The following PRKG2 variants were observed in gnomAD, a reference collection of about 807,000 sequenced individuals.
The protein encoded by PRKG2 is protein kinase cGMP-dependent 2.
In PRKG2, 33 loss-of-function variants were observed where a neutral mutation model predicts 97.2. That is an observed-to-expected ratio of 0.34 (90% CI 0.26 to 0.45). PRKG2 has a LOEUF of 0.45. PRKG2 is among the 20% of genes least tolerant of loss of function. The pLI, the probability that PRKG2 is intolerant of heterozygous loss-of-function variation, is 1.00. For missense variants in PRKG2, 638 were observed against 900.0 expected (o/e 0.71, Z 3.73); for synonymous variants, 330 against 321.8 (o/e 1.03, Z -0.27).
Position 81,204,691 on chromosome 4 carries a change from C to T in PRKG2, c.357G>A (p.Arg119=). ...TSGLVSLHSR[R]GAKAGVSAEP... The stretch of plus-strand genomic sequence containing the variant: ...CAGCAGACACGCCAGCCTTTGCTCC[C>T]CTCCTGCTATGGAGAGAGACCAATC... The change falls in exon 2 of 19, where the codon AGG becomes AGA. Residue 119 remains arginine, a synonymous_variant. Coordinates refer to ENST00000264399, the MANE Select transcript of PRKG2 (RefSeq NM_006259.3). The T allele has an allele frequency of 1.2e-6, 2 of 1,614,176 alleles. No homozygotes were observed. Among genetic ancestry groups the T allele is most frequent in the Non-Finnish European group, 1.7e-6 (2 of 1,180,022 alleles).
At chr4:81,180,719 A>G (rs936428896) in intron 2 of PRKG2, among the ~76,000 whole-genome samples, 13 of 152,200 alleles carry the variant, frequency 8.5e-5, no homozygotes, top group Admixed American at 3.9e-4. Context: ...GAATAAGCCA[A>G]CAAAAATTAG....
Position 81,087,528 on chromosome 4 carries a change from C to T in PRKG2, c.*2180G>A, listed in dbSNP as rs1230814909. On this transcript the variant is annotated 3_prime_UTR_variant, in exon 19 of 19. Transcript: ENST00000264399. ...CCTTTAATTTTAATAGAGACAGTAA[C>T]AGTAGCTCCCGTCTATGCAGCAATG... 6.6e-6 allele frequency: 1 copy of T among 152,050 alleles called. No individual in the cohort carries two copies. Among genetic ancestry groups the T allele is most frequent in the Non-Finnish European group, 1.5e-5 (1 of 67,980 alleles). 9.4% of individuals were successfully genotyped at this position (152,050 alleles called of 1,614,324 possible). A position where few individuals can be genotyped will look rare whatever the true frequency, so the allele number is the denominator to read the frequency against.
At chr4:81,171,542 A>G in intron 4 of PRKG2, 149 bp downstream of exon 4, 1 of 534,842 alleles carries the variant, frequency 1.9e-6, no homozygotes, top group Non-Finnish European at 3.1e-6. Context: ...CTTCAGTATA[A>G]ATCCCTTAAT....
At chr4:81,215,977 C>G (rs1315063693), upstream of PRKG2, among the ~76,000 whole-genome samples, 2 of 151,910 alleles carry the variant, frequency 1.3e-5, no homozygotes, top group Non-Finnish European at 2.9e-5. Context: ...TGTGAGATCT[C>G]CATGTGGCTT....
intron 14 of PRKG2, among the ~76,000 whole-genome samples, chr4:81,120,691 T>C (rs933437782): frequency 2.0e-5 from 3 of 152,130 alleles, no homozygotes; most frequent in Non-Finnish European, 4.4e-5. Flanking sequence ...ATGAAATTTG[T>C]TGTTGTTGTT....
At chr4:81,136,802 C>T (rs764075992) in intron 13 of PRKG2, among the ~76,000 whole-genome samples, 65 of 152,108 alleles carry the variant, frequency 4.3e-4, no homozygotes, top group Non-Finnish European at 8.1e-4. Context: ...AAACTGTATA[C>T]CTAATCTCCC....
At chr4:81,165,333 C>T (rs1179645727) in intron 6 of PRKG2, among the ~76,000 whole-genome samples, 1 of 152,082 alleles carries the variant, frequency 6.6e-6, no homozygotes, top group Non-Finnish European at 1.5e-5. Flanking sequence ...CCTTCCTTAC[C>T]CCCTGCTACA....
intron 10 of PRKG2, 87 bp downstream of exon 10, chr4:81,144,143 CCA>C: frequency 8.2e-7 from 1 of 1,223,696 alleles, no homozygotes; most frequent in Non-Finnish European, 1.2e-6. Context: ...TTAAAAGTTA[CCA>C]CACAGCAAGT....
intron 2 of PRKG2, among the ~76,000 whole-genome samples, chr4:81,177,636 G>T (rs1372840855): frequency 6.6e-6 from 1 of 152,106 alleles, no homozygotes; most frequent in Non-Finnish European, 1.5e-5. Context: ...GAAGGCGGAA[G>T]TTGTAGTGAG....
chr4:81,184,995 C>T (rs1341758098), intron 2 of PRKG2, among the ~76,000 whole-genome samples: 1 of 140,194 alleles, frequency 7.1e-6, no homozygotes. Context: ...ACCAAACTTA[C>T]ATTTGAGTGG....
intron 16 of PRKG2, 120 bp downstream of exon 16, chr4:81,105,693 T>C: frequency 7.3e-7 from 1 of 1,362,038 alleles, no homozygotes; most frequent in East Asian, 2.3e-5. Flanking sequence ...TCAAATATAA[T>C]TTGCCTATAT....
At position 81,193,650 on chromosome 4, in the gene PRKG2, G is replaced by A. The variant is rs950368234; in HGVS notation, c.461+10937C>T. ...AGGTCAGGAGTTCTAGACCAGCCTG[G>A]CCAACATGGTGCAACCCCATCTCTA... On this transcript the variant is annotated intron_variant, in intron 2 of 18. Transcript: ENST00000264399. Among the ~76,000 whole-genome samples, 41 of 152,152 alleles carry A rather than the reference G, an allele frequency of 2.7e-4. 1 individual carries two copies. The highest frequency in any genetic ancestry group is 9.4e-4 in the African/African-American group (39 of 41,534).
intron 1 of PRKG2, among the ~76,000 whole-genome samples, chr4:81,211,327 A>C (rs1216023449): frequency 6.6e-6 from 1 of 152,176 alleles, no homozygotes; most frequent in Non-Finnish European, 1.5e-5. Flanking sequence ...TTTTTCTATA[A>C]ACCTAAAATT....
chr4:81,208,624 C>G (rs1254588061), intron 1 of PRKG2, among the ~76,000 whole-genome samples: 2 of 152,022 alleles, frequency 1.3e-5, no homozygotes, highest in Non-Finnish European at 2.9e-5. Flanking sequence ...GGGTCTTGCA[C>G]TATGTTGCTC....
intron 14 of PRKG2, among the ~76,000 whole-genome samples, chr4:81,119,236 T>C (rs780650037): frequency 2.0e-5 from 3 of 152,242 alleles, no homozygotes; most frequent in Non-Finnish European, 2.9e-5. Context: ...AGGAGTTTTA[T>C]TGTTTTGCAT....
rs186749265 is a variant in PRKG2 at position 81,140,763 on chromosome 4, G to A, written c.1408-94C>T. ...GTTAAAACTGTTTCATGTTTAATTA[G>A]TATGGAAGCCCTTAGCCACTTATCC... On this transcript the variant is annotated intron_variant, in intron 11 of 18. Coordinates refer to ENST00000264399, the MANE Select transcript of PRKG2 (RefSeq NM_006259.3). 27 of 1,126,676 alleles carry A rather than the reference G, an allele frequency of 2.4e-5. No individual in the cohort carries two copies. In the African/African-American group the frequency reaches 3.7e-4, roughly 15 times the overall value. The allele number at this position is 1,126,676 out of a possible 1,614,324, so 69.8% of individuals were successfully genotyped here.
chr4:81,162,148 C>T (rs375674877), intron 6 of PRKG2, among the ~76,000 whole-genome samples: 2 of 152,084 alleles, frequency 1.3e-5, no homozygotes, highest in African/African-American at 4.8e-5. Context: ...TACTACTACA[C>T]CTAATGTTGT....
At chr4:81,119,134 T>C (rs1261267228) in intron 14 of PRKG2, among the ~76,000 whole-genome samples, 1 of 152,204 alleles carries the variant, frequency 6.6e-6, no homozygotes, top group East Asian at 1.9e-4. Context: ...AGTTTATCAA[T>C]TATTTCTCTC....
intron 5 of PRKG2, 32 bp downstream of exon 5, chr4:81,169,631 G>T: frequency 1.4e-6 from 2 of 1,443,294 alleles, no homozygotes; most frequent in Non-Finnish European, 1.9e-6. Flanking sequence ...CGACTCCACT[G>T]TCTTCACTGT....
Sources: gnomAD v4.1 joint callset for allele counts (sites outside exome capture counted in the v4.1 genomes callset) on GRCh38, gnomAD v4.1.1 for gene constraint, MANE v1.5 for transcripts, NCBI Gene and HGNC (gene_info 2026-07-23, HGNC 2026-07-21) for gene names.